QKI: variants seen among roughly 807,000 people sequenced by gnomAD.
The protein encoded by QKI is KH domain-containing RNA-binding protein QKI.
In QKI, 10 loss-of-function variants were observed where a neutral mutation model predicts 39.0. That is an observed-to-expected ratio of 0.26 (90% CI 0.16 to 0.43). The LOEUF is 0.43. Among genes scored for constraint, QKI ranks in the 20% least tolerant of loss-of-function variants. QKI has a pLI of 1.00. For missense variants in QKI, 218 were observed against 428.0 expected (o/e 0.51, Z 4.33); for synonymous variants, 204 against 155.4 (o/e 1.31, Z -2.33).
intron 1 of QKI, among the ~76,000 whole-genome samples, chr6:163,446,840 A>G (rs1790192829): frequency 6.6e-6 from 1 of 152,100 alleles, no homozygotes; most frequent in Non-Finnish European, 1.5e-5. Context: ...GACCTATTTT[A>G]CTTTCTGTGT....
chr6:163,458,048 T>C (rs566020852), intron 2 of QKI, among the ~76,000 whole-genome samples: 1 of 152,252 alleles, frequency 6.6e-6, no homozygotes, highest in Admixed American at 6.5e-5. Context: ...TACAGCTGAC[T>C]CAGGCAGGAA....
chr6:163,422,300 A>C (rs1398553457), intron 1 of QKI, among the ~76,000 whole-genome samples: 1 of 152,222 alleles, frequency 6.6e-6, no homozygotes. Flanking sequence ...TTCATGTATT[A>C]GTCTAATATT....
intron 3 of QKI, among the ~76,000 whole-genome samples, chr6:163,493,321 G>A (rs1416151857): frequency 1.3e-5 from 2 of 151,930 alleles, no homozygotes; most frequent in Non-Finnish European, 2.9e-5. Flanking sequence ...TAATAGTGAC[G>A]GGGTTTTAAT....
chr6:163,536,234 A>G (rs973454650), intron 4 of QKI, among the ~76,000 whole-genome samples: 7 of 152,152 alleles, frequency 4.6e-5, no homozygotes, highest in African/African-American at 1.7e-4. Context: ...AAACCATGGA[A>G]TCTTTCTCAT....
intron 3 of QKI, among the ~76,000 whole-genome samples, chr6:163,501,397 G>A (rs760524033): frequency 1.7e-4 from 26 of 152,130 alleles, no homozygotes; most frequent in East Asian, 1.9e-4. Flanking sequence ...CTCACAATCT[G>A]ATGTTTGAAA....
chr6:163,556,090 C>T (rs1053955913), intron 4 of QKI, among the ~76,000 whole-genome samples: 1 of 152,122 alleles, frequency 6.6e-6, no homozygotes, highest in African/African-American at 2.4e-5. Context: ...ACTGCCAATA[C>T]CACACATTTG....
intron 1 of QKI, among the ~76,000 whole-genome samples, chr6:163,446,231 A>G (rs1790141983): frequency 6.6e-6 from 1 of 152,184 alleles, no homozygotes; most frequent in South Asian, 2.1e-4. Flanking sequence ...ATTCATTACT[A>G]TCACTATATA....
At chr6:163,543,467 C>T (rs546438014) in intron 4 of QKI, among the ~76,000 whole-genome samples, 1 of 152,148 alleles carries the variant, frequency 6.6e-6, no homozygotes, top group South Asian at 2.1e-4. Context: ...AATTAGCAGT[C>T]TCTTCAGAGT....
intron 1 of QKI, among the ~76,000 whole-genome samples, chr6:163,425,309 C>G (rs1450686150): frequency 6.6e-6 from 1 of 152,090 alleles, no homozygotes; most frequent in African/African-American, 2.4e-5. Flanking sequence ...ATGGCAAATG[C>G]ATAGATAGAA....
chr6:163,447,069 T>TC (rs1327505593), intron 1 of QKI, among the ~76,000 whole-genome samples: 1 of 152,180 alleles, frequency 6.6e-6, no homozygotes, highest in Non-Finnish European at 1.5e-5. Flanking sequence ...ATTTCCATTC[T>TC]CTAATTACCG....
chr6:163,421,657 T>C (rs1326972572), intron 1 of QKI, among the ~76,000 whole-genome samples: 1 of 131,322 alleles, frequency 7.6e-6, no homozygotes, highest in Non-Finnish European at 1.7e-5. Flanking sequence ...TAAACACAGG[T>C]GTGTCTTTTA....
intron 3 of QKI, among the ~76,000 whole-genome samples, chr6:163,534,248 C>CT (rs1304545235): frequency 7.2e-5 from 11 of 152,090 alleles, no homozygotes; most frequent in African/African-American, 2.7e-4. Flanking sequence ...TATAGATATT[C>CT]TCTATGAAAC....
At chr6:163,425,726 T>A (rs1788355714) in intron 1 of QKI, among the ~76,000 whole-genome samples, 1 of 152,220 alleles carries the variant, frequency 6.6e-6, no homozygotes, top group African/African-American at 2.4e-5. Context: ...GTTAGTGTAT[T>A]CATCCTGAAG....
intron 4 of QKI, among the ~76,000 whole-genome samples, chr6:163,540,076 A>G (rs1004673188): frequency 6.6e-6 from 1 of 151,666 alleles, no homozygotes; most frequent in Non-Finnish European, 1.5e-5. Context: ...GAAATATTCC[A>G]TTTACATTAT....
rs183742034 is a variant in QKI, at chr6:163,443,318, C to G, written c.143-11961C>G. On this transcript the variant is annotated intron_variant, in intron 1 of 7. Coordinates refer to ENST00000361752, the MANE Select transcript of QKI (RefSeq NM_006775.3). ...GGGTACAGTGGCTCACGCCTGTAAT[C>G]CCAGCACTTTGGGAGGCCAAGGCGG... 1.1e-4 allele frequency among the ~76,000 whole-genome samples: 16 copies of G among 152,356 alleles called. No homozygotes were observed. The East Asian group carries it at 3.1e-3, about 29-fold the overall frequency.
intron 3 of QKI, among the ~76,000 whole-genome samples, chr6:163,514,864 A>C (rs1362386688): frequency 6.6e-6 from 1 of 152,196 alleles, no homozygotes; most frequent in Non-Finnish European, 1.5e-5. Flanking sequence ...CTGACTAGAA[A>C]ACTTATAAAG....
chr6:163,436,628 A>T (rs760966720), intron 1 of QKI, among the ~76,000 whole-genome samples: 4 of 151,952 alleles, frequency 2.6e-5, no homozygotes, highest in Non-Finnish European at 4.4e-5. Context: ...AGCCAGGCCA[A>T]CATGGTGAAA....
intron 3 of QKI, among the ~76,000 whole-genome samples, chr6:163,500,714 A>G (rs1479706690): frequency 6.6e-6 from 1 of 152,226 alleles, no homozygotes; most frequent in African/African-American, 2.4e-5. Context: ...TAAGACTTAA[A>G]TTACAGAATA....
intron 2 of QKI, chr6:163,457,692 C>CATGT (rs968341294): frequency 3.1e-6 from 1 of 321,412 alleles, no homozygotes; most frequent in Non-Finnish European, 6.1e-6. Context: ...GGTAGGTGAT[C>CATGT]ATGTACCTGG....
Sources: allele counts gnomAD v4.1 joint callset (sites outside exome capture counted in the v4.1 genomes callset), GRCh38; gene constraint gnomAD v4.1.1; transcripts MANE v1.5; gene names NCBI Gene and HGNC (gene_info 2026-07-23, HGNC 2026-07-21).